The following GDA variants were observed in gnomAD, a reference collection of about 807,000 sequenced individuals.
The protein encoded by GDA is cytoplasmic PSD-95 interactor.
Under a neutral mutation model 59.6 loss-of-function variants are expected in GDA, and 18 were observed. The ratio of observed to expected loss-of-function variants is 0.30; its 90% CI spans 0.21 to 0.45. The LOEUF (loss-of-function observed/expected upper bound fraction) is 0.45. GDA is among the 20% of genes least tolerant of loss of function. The probability of loss-of-function intolerance (pLI) is 1.00; values close to 1 mark genes in which losing one functional copy is unlikely to be tolerated. For synonymous variants in GDA, 201 were observed against 201.1 expected (o/e 1.00, Z 0.00); for missense variants, 427 against 552.3 (o/e 0.77, Z 2.27).
intron 1 of GDA, among the ~76,000 whole-genome samples, chr9:72,178,173 T>C (rs1431300616): frequency 6.6e-6 from 1 of 152,264 alleles, no homozygotes; most frequent in Non-Finnish European, 1.5e-5. Context: ...GGTTGGTTAC[T>C]GATCATGATG....
At chr9:72,256,469 C>T (rs1340510293), downstream of GDA, among the ~76,000 whole-genome samples, 2 of 152,142 alleles carry the variant, frequency 1.3e-5, no homozygotes, top group Non-Finnish European at 2.9e-5. Flanking sequence ...GAAACTGGTT[C>T]TGTTGGGTAC....
chr9:72,250,847 AAC>A lies in GDA; in HGVS notation c.*2507_*2508del. ...AACGGAATACACTTTGAAAGGTAAA[AAC>A]AATTCAAAAGTATCGATTATCATAA... On this transcript the variant is annotated 3_prime_UTR_variant, in exon 14 of 14. Coordinates refer to ENST00000358399, the MANE Select transcript of GDA (RefSeq NM_004293.5). 6.2e-7 allele frequency: 1 copy of A among 1,606,870 alleles called. No homozygotes were observed. Among genetic ancestry groups the A allele is most frequent in the Non-Finnish European group, 8.5e-7 (1 of 1,175,414 alleles).
intron 2 of GDA, among the ~76,000 whole-genome samples, chr9:72,201,569 A>G (rs533562606): frequency 1.3e-5 from 2 of 152,290 alleles, no homozygotes; most frequent in African/African-American, 4.8e-5. Flanking sequence ...GTATGTATAC[A>G]TTTGATTTGA....
At chr9:72,199,190 C>G (rs761008789) in intron 2 of GDA, among the ~76,000 whole-genome samples, 1 of 152,148 alleles carries the variant, frequency 6.6e-6, no homozygotes, top group Non-Finnish European at 1.5e-5. Context: ...TCCTTTTGTT[C>G]TCTCTATAAA....
upstream of GDA, among the ~76,000 whole-genome samples, chr9:72,146,227 G>A (rs186577681): frequency 5.9e-5 from 9 of 152,244 alleles, no homozygotes; most frequent in African/African-American, 2.2e-4. Context: ...AAGAGTGTGA[G>A]CAAAGCGGAT....
chr9:72,228,011 C>T lies in GDA; in HGVS notation c.891C>T (p.Ser297=), dbSNP rs754744003. The part of the protein sequence containing the change: ...ELNVFHERGA[S]IAHCPNSNLS... Reference sequence around the variant, plus strand: ...ACGTATTCCATGAACGAGGAGCATCCATCGCACACTGTCCCAATTCTAATT... The same window carrying T: ...ACGTATTCCATGAACGAGGAGCATCTATCGCACACTGTCCCAATTCTAATT... Residue 297 remains serine, a synonymous_variant, in exon 9 of 14, where the codon TCC becomes TCT. Transcript: ENST00000358399. 1 of 1,593,316 alleles carries T rather than the reference C, an allele frequency of 6.3e-7. No homozygotes were observed. The highest frequency in any genetic ancestry group is 8.6e-7 in the Non-Finnish European group (1 of 1,161,694).
chr9:72,219,357 C>A, intron 5 of GDA, 122 bp from the exon 6 acceptor site: 1 of 655,536 alleles, frequency 1.5e-6, no homozygotes, highest in Non-Finnish European at 2.6e-6. Context: ...GAGCCGAGAT[C>A]GCACCACTTC....
chr9:72,211,108 G>A (rs1438290653), intron 4 of GDA, among the ~76,000 whole-genome samples: 1 of 152,100 alleles, frequency 6.6e-6, no homozygotes, highest in Non-Finnish European at 1.5e-5. Flanking sequence ...ACTAATTCTA[G>A]TTGTGGTAAT....
At chr9:72,164,107 G>A (rs10869136) in intron 1 of GDA, among the ~76,000 whole-genome samples, 28,276 of 152,112 alleles carry the variant, frequency 0.19, 2,990 homozygotes, top group African/African-American at 0.3. Flanking sequence ...TCTACATGGA[G>A]ATTTGAAGCA....
At chr9:72,216,588 G>T (rs1312612436) in intron 5 of GDA, among the ~76,000 whole-genome samples, 2 of 152,150 alleles carry the variant, frequency 1.3e-5, no homozygotes, top group Non-Finnish European at 2.9e-5. Flanking sequence ...GCCACACATT[G>T]TATGATTTAA....
intron 1 of GDA, among the ~76,000 whole-genome samples, chr9:72,166,247 A>G (rs1394772927): frequency 6.6e-6 from 1 of 152,236 alleles, no homozygotes; most frequent in East Asian, 1.9e-4. Flanking sequence ...AAAGTGCCAA[A>G]TCATTGAGCA....
At chr9:72,167,436 T>A (rs1829449612) in intron 1 of GDA, among the ~76,000 whole-genome samples, 1 of 152,210 alleles carries the variant, frequency 6.6e-6, no homozygotes, top group Non-Finnish European at 1.5e-5. Context: ...CTTATATATT[T>A]ACCTGAACCC....
chr9:72,259,165 C>T (rs1388983456), downstream of GDA, among the ~76,000 whole-genome samples: 1 of 151,972 alleles, frequency 6.6e-6, no homozygotes, highest in Non-Finnish European at 1.5e-5. Flanking sequence ...GCTGGGACTA[C>T]AGGCGTGCAC....
chr9:72,121,913 C>T (rs1825676308), intron 1 of GDA, among the ~76,000 whole-genome samples: 1 of 152,148 alleles, frequency 6.6e-6, no homozygotes, highest in African/African-American at 2.4e-5. Flanking sequence ...ACAGCCCTCT[C>T]CTTGAAACAT....
chr9:72,253,680 C>T (rs888216979), downstream of GDA: 1 of 152,032 alleles, frequency 6.6e-6, no homozygotes, highest in Non-Finnish European at 1.5e-5. Context: ...TATTTTTCTC[C>T]TAAAGATCAA....
rs374585266 is a variant in GDA at position 72,212,242 on chromosome 9, G to GGAGGCC, written c.472+1474_472+1479dup. On this transcript the variant is annotated intron_variant, in intron 4 of 13. Coordinates refer to ENST00000358399, the MANE Select transcript of GDA (RefSeq NM_004293.5). The stretch of plus-strand genomic sequence containing the variant: ...TAATGCCTGTAATCCTGGCACTTTC[G>GGAGGCC]GAGGCCGAGGCGGGCGGATCATGAG... Among the ~76,000 whole-genome samples the GGAGGCC allele has an allele frequency of 9.6e-3, 1,457 of 152,166 alleles. 18 individuals carry two copies. The highest frequency in any genetic ancestry group is 0.034 in the African/African-American group (1,398 of 41,506).
intron 6 of GDA, among the ~76,000 whole-genome samples, chr9:72,219,982 C>T (rs908719393): frequency 6.6e-6 from 1 of 152,182 alleles, no homozygotes; most frequent in Non-Finnish European, 1.5e-5. Flanking sequence ...CTTCTATATT[C>T]ATTGCAGTAT....
intron 1 of GDA, among the ~76,000 whole-genome samples, chr9:72,165,991 C>A (rs960101690): frequency 6.6e-6 from 1 of 152,074 alleles, no homozygotes; most frequent in African/African-American, 2.4e-5. Flanking sequence ...AATCTTACCC[C>A]TCCTTCTGTT....
chr9:72,185,133 C>T (rs1449622048), intron 1 of GDA, among the ~76,000 whole-genome samples: 1 of 152,216 alleles, frequency 6.6e-6, no homozygotes, highest in Non-Finnish European at 1.5e-5. Flanking sequence ...TTTTGCAATT[C>T]AGCGACAGAT....
Sources: allele counts gnomAD v4.1 joint callset (sites outside exome capture counted in the v4.1 genomes callset), GRCh38; gene constraint gnomAD v4.1.1; transcripts MANE v1.5; gene names NCBI Gene and HGNC (gene_info 2026-07-23, HGNC 2026-07-21).